Variants in CLYBL observed in about 807,000 individuals in gnomAD.
CLYBL encodes citramalyl-CoA lyase.
A neutral mutation model predicts 38.9 loss-of-function variants in CLYBL; 31 were observed. The observed-to-expected ratio is 0.80, with a 90% confidence interval of 0.60 to 1.08. The LOEUF is 1.08. CLYBL is among the 50% of genes least tolerant of loss of function. The probability of loss-of-function intolerance (pLI) is 0.00; values close to 1 mark genes in which losing one functional copy is unlikely to be tolerated. For synonymous variants in CLYBL, 171 were observed against 158.6 expected, an observed-to-expected ratio of 1.08 and a Z score of -0.59; for missense variants, 434 against 411.6, an observed-to-expected ratio of 1.05 and a Z score of -0.47.
intron 8 of CLYBL, among the ~76,000 whole-genome samples, chr13:99,904,433 A>T (rs1422901365): frequency 6.6e-6 from 1 of 152,206 alleles, no homozygotes; most frequent in Admixed American, 6.5e-5. Context: ...GGGTCTCATG[A>T]ATTGATTTGA....
downstream of CLYBL, among the ~76,000 whole-genome samples, chr13:99,901,645 G>GTTT (rs57853480): frequency 1.6e-3 from 201 of 127,110 alleles, no homozygotes; most frequent in East Asian, 2.9e-3. Flanking sequence ...GGATTTTTTT[G>GTTT]TTTTTTTTTT....
At chr13:99,901,421 G>A (rs545151481), downstream of CLYBL, among the ~76,000 whole-genome samples, 3 of 152,088 alleles carry the variant, frequency 2.0e-5, no homozygotes, top group Non-Finnish European at 4.4e-5. Context: ...TGAGCTGCTT[G>A]CAGGACATTC....
chr13:99,885,103 A>G (rs1272597552), intron 7 of CLYBL: 3 of 529,844 alleles, frequency 5.7e-6, no homozygotes, highest in African/African-American at 3.9e-5. Context: ...CTGGGAGTCA[A>G]AGGTACGTGA....
At chr13:99,744,525 A>AGG (rs2048816786) in intron 1 of CLYBL, among the ~76,000 whole-genome samples, 1 of 152,134 alleles carries the variant, frequency 6.6e-6, no homozygotes, top group Non-Finnish European at 1.5e-5. Flanking sequence ...TTATGACTGA[A>AGG]GGGACTGGTT....
intron 1 of CLYBL, among the ~76,000 whole-genome samples, chr13:99,723,329 A>G (rs1416634341): frequency 6.6e-6 from 1 of 152,238 alleles, no homozygotes; most frequent in East Asian, 1.9e-4. Flanking sequence ...TGCTCTGTTT[A>G]AGAAAAACAG....
intron 2 of CLYBL, among the ~76,000 whole-genome samples, chr13:99,774,942 C>A (rs1198697876): frequency 6.6e-6 from 1 of 152,172 alleles, no homozygotes; most frequent in Non-Finnish European, 1.5e-5. Flanking sequence ...TGACCCAGGG[C>A]AATTCACTTT....
chr13:99,735,861 T>C (rs1241990117), intron 1 of CLYBL, among the ~76,000 whole-genome samples: 3 of 152,096 alleles, frequency 2.0e-5, no homozygotes, highest in Non-Finnish European at 4.4e-5. Context: ...CTTAGACAGA[T>C]ACAGTATCCC....
chr13:99,606,979 A>G lies in CLYBL; in HGVS notation c.62+222A>G, dbSNP rs547736282. ...CTCGTTGCACCCGGAAAATGGGTAC[A>G]CACCTTAGGTCGAATTACCTGGACT... On this transcript the variant is annotated intron_variant, in intron 1 of 8. Transcript: ENST00000339105. Among the ~76,000 whole-genome samples the G allele has an allele frequency of 4.3e-4, 65 of 152,138 alleles. No individual in the cohort carries two copies. The East Asian group carries it at 5.6e-3, about 13-fold the overall frequency.
intron 1 of CLYBL, among the ~76,000 whole-genome samples, chr13:99,713,366 G>C (rs1435849723): frequency 7.8e-6 from 1 of 128,346 alleles, no homozygotes; most frequent in Non-Finnish European, 1.6e-5. Flanking sequence ...TTAAGACAGA[G>C]TCTTGGTCTG....
chr13:99,707,775 G>T (rs1479829883), intron 1 of CLYBL, among the ~76,000 whole-genome samples: 1 of 152,088 alleles, frequency 6.6e-6, no homozygotes, highest in Non-Finnish European at 1.5e-5. Context: ...CTTTTCCCAG[G>T]CTAGCTATGC....
chr13:99,636,770 G>A (rs1247482603), intron 1 of CLYBL, among the ~76,000 whole-genome samples: 1 of 152,116 alleles, frequency 6.6e-6, no homozygotes, highest in African/African-American at 2.4e-5. Flanking sequence ...TCTACGAGGG[G>A]TAAGTAGGAA....
intron 2 of CLYBL, among the ~76,000 whole-genome samples, chr13:99,791,314 A>G (rs2049911673): frequency 1.3e-5 from 2 of 152,156 alleles, no homozygotes; most frequent in African/African-American, 4.8e-5. Context: ...CTCAAACAGA[A>G]AAGCCCTTTG....
intron 8 of CLYBL, among the ~76,000 whole-genome samples, chr13:99,903,506 C>T (rs972608960): frequency 5.9e-5 from 9 of 152,182 alleles, no homozygotes; most frequent in African/African-American, 9.7e-5. Flanking sequence ...TCTCTCTATC[C>T]GTAAACATTT....
intron 2 of CLYBL, among the ~76,000 whole-genome samples, chr13:99,782,266 G>A (rs2049673594): frequency 6.6e-6 from 1 of 152,132 alleles, no homozygotes; most frequent in South Asian, 2.1e-4. Context: ...CATTACTTTG[G>A]TAGGCCAAAG....
intron 7 of CLYBL, among the ~76,000 whole-genome samples, 181 bp downstream of exon 7, chr13:99,871,243 T>G (rs1182155780): frequency 6.6e-6 from 1 of 152,216 alleles, no homozygotes; most frequent in Non-Finnish European, 1.5e-5. Context: ...CCTGCCCATG[T>G]TCCTAAATAC....
chr13:99,728,009 C>G (rs1479347742), intron 1 of CLYBL, among the ~76,000 whole-genome samples: 1 of 152,034 alleles, frequency 6.6e-6, no homozygotes, highest in Non-Finnish European at 1.5e-5. Flanking sequence ...ACCTGGGAGG[C>G]AGAGGTTGCA....
chr13:99,858,195 G>T (rs140598643), intron 2 of CLYBL, among the ~76,000 whole-genome samples: 4 of 152,298 alleles, frequency 2.6e-5, no homozygotes, highest in Admixed American at 6.5e-5. Flanking sequence ...AGCAAAGCCT[G>T]TCAAGTCAAA....
chr13:99,807,674 G>A (rs899013294), intron 2 of CLYBL, among the ~76,000 whole-genome samples: 5 of 152,010 alleles, frequency 3.3e-5, no homozygotes, highest in South Asian at 2.1e-4. Context: ...AAGGAGGAAC[G>A]GGGAGTGTAG....
chr13:99,717,858 GACT>G (rs1245784229), intron 1 of CLYBL, among the ~76,000 whole-genome samples: 5 of 152,062 alleles, frequency 3.3e-5, no homozygotes, highest in Admixed American at 3.3e-4. Context: ...TATCTGTCTT[GACT>G]ACTAATGCAG....
Sources: allele counts gnomAD v4.1 joint callset (sites outside exome capture counted in the v4.1 genomes callset), GRCh38; gene constraint gnomAD v4.1.1; transcripts MANE v1.5; gene names NCBI Gene and HGNC (gene_info 2026-07-23, HGNC 2026-07-21).